The following RAB3C variants were observed in gnomAD, a reference collection of about 807,000 sequenced individuals.
RAB3C encodes RAB3C, member RAS oncogene family.
Under a neutral mutation model 26.4 loss-of-function variants are expected in RAB3C, and 17 were observed. That is an observed-to-expected ratio of 0.64 (90% CI 0.44 to 0.97). The LOEUF is 0.97. Ranked by LOEUF, RAB3C falls within the 50% of genes least tolerant of loss-of-function variation. The pLI, the probability that RAB3C is intolerant of heterozygous loss-of-function variation, is 0.00. For synonymous variants in RAB3C, 91 were observed against 95.9 expected (o/e 0.95, Z 0.30); for missense variants, 242 against 281.9 (o/e 0.86, Z 1.01).
intron 2 of RAB3C, among the ~76,000 whole-genome samples, chr5:58,668,136 C>T (rs1392286226): frequency 6.6e-6 from 1 of 152,140 alleles, no homozygotes; most frequent in Non-Finnish European, 1.5e-5. Flanking sequence ...ATATTATATT[C>T]TAGTGGTCTG....
chr5:58,641,564 T>A (rs1027672715), intron 2 of RAB3C, among the ~76,000 whole-genome samples: 1 of 152,232 alleles, frequency 6.6e-6, no homozygotes, highest in African/African-American at 2.4e-5. Flanking sequence ...ATGGGAGCAC[T>A]CTGGCCTCTC....
At chr5:58,755,572 G>C (rs1261593304) in intron 3 of RAB3C, among the ~76,000 whole-genome samples, 2 of 152,156 alleles carry the variant, frequency 1.3e-5, no homozygotes, top group East Asian at 3.8e-4. Context: ...ACCAGGCAAG[G>C]GTGGCTGATG....
At chr5:58,751,514 T>C (rs1046634892) in intron 3 of RAB3C, among the ~76,000 whole-genome samples, 8 of 152,136 alleles carry the variant, frequency 5.3e-5, no homozygotes. Context: ...ACGGAAGCCA[T>C]GAACATGATA....
At chr5:58,666,125 AG>A (rs1232491445) in intron 2 of RAB3C, among the ~76,000 whole-genome samples, 2 of 152,206 alleles carry the variant, frequency 1.3e-5, no homozygotes, top group Non-Finnish European at 2.9e-5. Flanking sequence ...TCCAACACAC[AG>A]GGGTAAGAGG....
Position 58,855,141 on chromosome 5 carries a change from C to A in RAB3C, c.*3790C>A, listed in dbSNP as rs1274596888. The A allele has an allele frequency of 6.6e-6, 1 of 152,072 alleles. No individual in the cohort carries two copies. Among genetic ancestry groups the A allele is most frequent in the African/African-American group, 2.4e-5 (1 of 41,394 alleles). The allele number at this position is 152,072 out of a possible 1,614,324, so 9.4% of individuals were successfully genotyped here. ...ATCTTAGTGCATGGTTGAGGATGTACTATGTGATATTTTAGTTAACAGTGT... is the reference window on the plus strand; with the variant it reads ...ATCTTAGTGCATGGTTGAGGATGTAATATGTGATATTTTAGTTAACAGTGT... On this transcript the variant is annotated 3_prime_UTR_variant, in exon 5 of 5. Coordinates refer to ENST00000282878, the MANE Select transcript of RAB3C (RefSeq NM_138453.4).
chr5:58,694,946 T>A (rs140962085), intron 2 of RAB3C, among the ~76,000 whole-genome samples: 303 of 152,316 alleles, frequency 2.0e-3, no homozygotes, highest in African/African-American at 6.9e-3. Flanking sequence ...TAGATCCCAT[T>A]TGTCTGTTTT....
At chr5:58,735,460 C>T (rs1402112284) in intron 3 of RAB3C, among the ~76,000 whole-genome samples, 1 of 152,118 alleles carries the variant, frequency 6.6e-6, no homozygotes, top group Non-Finnish European at 1.5e-5. Flanking sequence ...CATTTTTCAC[C>T]ACGTCTACTG....
At chr5:58,657,590 A>G (rs1434982489) in intron 2 of RAB3C, among the ~76,000 whole-genome samples, 1 of 152,172 alleles carries the variant, frequency 6.6e-6, no homozygotes, top group Non-Finnish European at 1.5e-5. Context: ...ATTTAAGCAA[A>G]GTTAGAAAGG....
At chr5:58,758,652 AC>A (rs1202146396) in intron 3 of RAB3C, among the ~76,000 whole-genome samples, 1 of 152,208 alleles carries the variant, frequency 6.6e-6, no homozygotes, top group African/African-American at 2.4e-5. Flanking sequence ...AGAAATAAAT[AC>A]ACTATCAGAA....
rs921492978 is a variant in RAB3C at position 58,835,723 on chromosome 5, AT to A, written c.496+10564del. Among the ~76,000 whole-genome samples, 4 of 152,118 alleles carry A rather than the reference AT, an allele frequency of 2.6e-5. No individual in the cohort carries two copies. In the South Asian group the frequency reaches 6.2e-4, roughly 24 times the overall value. On this transcript the variant is annotated intron_variant, in intron 4 of 4. Transcript: ENST00000282878. ...GTATAAACTGCCAGCTTCATTTTTT[AT>A]TTGTTTTTCTTTTTTAACAAAAAAA...
At chr5:58,717,974 T>C (rs1749206969) in intron 2 of RAB3C, among the ~76,000 whole-genome samples, 1 of 152,116 alleles carries the variant, frequency 6.6e-6, no homozygotes, top group Non-Finnish European at 1.5e-5. Context: ...TTTAGGGCAA[T>C]AGTAAAAGTC....
intron 3 of RAB3C, among the ~76,000 whole-genome samples, chr5:58,757,508 C>T (rs141156467): frequency 9.4e-3 from 1,425 of 152,292 alleles, no homozygotes; most frequent in African/African-American, 0.032. Context: ...GATAGCCTTT[C>T]GTGATCACTT....
At chr5:58,744,432 C>G (rs1011027470) in intron 3 of RAB3C, among the ~76,000 whole-genome samples, 1 of 152,184 alleles carries the variant, frequency 6.6e-6, no homozygotes, top group Admixed American at 6.5e-5. Context: ...TGCAAACATG[C>G]AGTCATCGTC....
chr5:58,743,440 G>A (rs1458388012), intron 3 of RAB3C, among the ~76,000 whole-genome samples: 1 of 151,824 alleles, frequency 6.6e-6, no homozygotes, highest in Non-Finnish European at 1.5e-5. Flanking sequence ...TACATGTGCA[G>A]AATGTGCAGG....
intron 1 of RAB3C, among the ~76,000 whole-genome samples, chr5:58,607,671 G>A (rs182178937): frequency 3.3e-5 from 5 of 152,244 alleles, no homozygotes; most frequent in East Asian, 3.9e-4. Context: ...GAGAAAGGTC[G>A]GGTTACCCAC....
chr5:58,746,629 T>A (rs751735654), intron 3 of RAB3C, among the ~76,000 whole-genome samples: 38 of 152,204 alleles, frequency 2.5e-4, no homozygotes, highest in Non-Finnish European at 4.4e-4. Context: ...AGTGCATGTT[T>A]GACAGCTAGA....
chr5:58,730,743 CA>C (rs978208793), intron 3 of RAB3C, among the ~76,000 whole-genome samples: 1 of 152,054 alleles, frequency 6.6e-6, no homozygotes, highest in African/African-American at 2.4e-5. Flanking sequence ...GTTCCCTTTT[CA>C]AAAAACATTT....
intron 3 of RAB3C, among the ~76,000 whole-genome samples, chr5:58,737,722 C>A (rs1170501711): frequency 1.3e-5 from 2 of 151,374 alleles, no homozygotes; most frequent in Non-Finnish European, 1.5e-5. Context: ...ACAACAACAA[C>A]AAAAAAATGA....
chr5:58,769,494 G>A (rs1024415288), intron 3 of RAB3C, among the ~76,000 whole-genome samples: 9 of 151,288 alleles, frequency 5.9e-5, no homozygotes, highest in East Asian at 3.9e-4. Flanking sequence ...TACTGGGAAC[G>A]TTACATCTGC....
Sources: allele counts gnomAD v4.1 joint callset (sites outside exome capture counted in the v4.1 genomes callset), GRCh38; gene constraint gnomAD v4.1.1; transcripts MANE v1.5; gene names NCBI Gene and HGNC (gene_info 2026-07-23, HGNC 2026-07-21).